The following ULK4 variants were observed in gnomAD, a reference collection of about 807,000 sequenced individuals.
ULK4 encodes unc-51 like kinase 4.
A neutral mutation model predicts 160.6 loss-of-function variants in ULK4; 133 were observed. That is an observed-to-expected ratio of 0.83 (90% CI 0.72 to 0.96). ULK4 has a LOEUF of 0.96. Ranked by LOEUF, ULK4 falls within the 40% of genes least tolerant of loss-of-function variation. The pLI is 0.00. For missense variants in ULK4, 1,580 were observed against 1,499.5 expected, an observed-to-expected ratio of 1.05 and a Z score of -0.89; for synonymous variants, 534 against 539.8, an observed-to-expected ratio of 0.99 and a Z score of 0.15.
chr3:41,573,303 A>C (rs2088067733), intron 31 of ULK4, among the ~76,000 whole-genome samples: 1 of 151,782 alleles, frequency 6.6e-6, no homozygotes, highest in Admixed American at 6.6e-5. Flanking sequence ...ACAGCTTTGA[A>C]ATACCAAGGG....
intron 31 of ULK4, among the ~76,000 whole-genome samples, chr3:41,596,969 G>C (rs1289828684): frequency 6.6e-6 from 1 of 152,132 alleles, no homozygotes; most frequent in East Asian, 1.9e-4. Context: ...TAGCATCCCT[G>C]ACTTCTACGC....
intron 30 of ULK4, among the ~76,000 whole-genome samples, chr3:41,640,628 A>T (rs1182727164): frequency 2.6e-5 from 4 of 152,174 alleles, no homozygotes; most frequent in African/African-American, 9.7e-5. Context: ...TTGTCTCAAA[A>T]TGCTTAAGTC....
At chr3:41,928,362 G>T (rs910653418) in intron 5 of ULK4, among the ~76,000 whole-genome samples, 40 of 152,172 alleles carry the variant, frequency 2.6e-4, no homozygotes, top group Middle Eastern at 3.4e-3. Flanking sequence ...TGTGTAGAGG[G>T]AAATTTACAG....
chr3:41,803,207 G>C (rs1303490373), intron 19 of ULK4, among the ~76,000 whole-genome samples: 1 of 151,280 alleles, frequency 6.6e-6, no homozygotes, highest in Non-Finnish European at 1.5e-5. Flanking sequence ...AGTCCATAAA[G>C]GTGATATAAA....
At chr3:41,426,806 A>G (rs2082786136) in intron 34 of ULK4, among the ~76,000 whole-genome samples, 1 of 152,164 alleles carries the variant, frequency 6.6e-6, no homozygotes, top group African/African-American at 2.4e-5. Flanking sequence ...TGCCCACGTC[A>G]AAAAACTAGA....
chr3:41,370,154 A>C (rs1198307316), intron 35 of ULK4, among the ~76,000 whole-genome samples: 3 of 152,170 alleles, frequency 2.0e-5, no homozygotes, highest in East Asian at 3.9e-4. Context: ...ATCCATGTAG[A>C]GTTTATAAAC....
At chr3:41,560,442 A>AT (rs747159656) in intron 32 of ULK4, among the ~76,000 whole-genome samples, 11 of 152,306 alleles carry the variant, frequency 7.2e-5, no homozygotes, top group Non-Finnish European at 1.6e-4. Context: ...GAATCTATAA[A>AT]TTACCTTGGG....
At chr3:41,876,216 T>C (rs1274919221) in intron 17 of ULK4, among the ~76,000 whole-genome samples, 3 of 152,198 alleles carry the variant, frequency 2.0e-5, no homozygotes, top group Non-Finnish European at 2.9e-5. Context: ...CAGTGAATTA[T>C]AGAGAGCACC....
chr3:41,545,931 CTT>C (rs2086844916), intron 32 of ULK4, among the ~76,000 whole-genome samples: 1 of 152,052 alleles, frequency 6.6e-6, no homozygotes. Flanking sequence ...CAGTTTAAGA[CTT>C]TTATATGGTT....
At chr3:41,748,517 T>C (rs2038499786) in intron 22 of ULK4, among the ~76,000 whole-genome samples, 1 of 152,164 alleles carries the variant, frequency 6.6e-6, no homozygotes, top group African/African-American at 2.4e-5. Context: ...ACAAACTTGA[T>C]ACACAGATTG....
At chr3:41,618,660 C>G (rs2033096287) in intron 30 of ULK4, among the ~76,000 whole-genome samples, 1 of 152,162 alleles carries the variant, frequency 6.6e-6, no homozygotes. Flanking sequence ...GTACCATCCA[C>G]TGCAAAAACA....
chr3:41,714,419 T>C (rs1418481100), intron 25 of ULK4, among the ~76,000 whole-genome samples: 4 of 152,166 alleles, frequency 2.6e-5, no homozygotes, highest in African/African-American at 4.8e-5. Context: ...CTGACCTCAT[T>C]TTAACTAGTT....
chr3:41,275,463 A>G (rs1357593823), intron 35 of ULK4, among the ~76,000 whole-genome samples: 2 of 152,252 alleles, frequency 1.3e-5, no homozygotes, highest in African/African-American at 4.8e-5. Context: ...CAAAAGATCC[A>G]ACTTAAAAAG....
At chr3:41,666,285 A>G (rs1319147649) in intron 29 of ULK4, among the ~76,000 whole-genome samples, 1 of 152,154 alleles carries the variant, frequency 6.6e-6, no homozygotes, top group Admixed American at 6.5e-5. Context: ...TTACTACCAT[A>G]AATTATCAGG....
intron 35 of ULK4, among the ~76,000 whole-genome samples, chr3:41,395,720 T>C (rs973179234): frequency 2.6e-5 from 4 of 152,162 alleles, no homozygotes; most frequent in South Asian, 4.1e-4. Context: ...TGCACAACAA[T>C]GTGAATATGC....
At chr3:41,953,304 A>ATATATTTTTT (rs1181182812) in intron 2 of ULK4, among the ~76,000 whole-genome samples, 3 of 124,816 alleles carry the variant, frequency 2.4e-5, no homozygotes, top group African/African-American at 9.4e-5. Flanking sequence ...ATATATATAT[A>ATATATTTTTT]TTTTTTTTTT....
intron 32 of ULK4, among the ~76,000 whole-genome samples, chr3:41,478,522 A>T (rs2084212479): frequency 6.6e-6 from 1 of 152,184 alleles, no homozygotes; most frequent in African/African-American, 2.4e-5. Flanking sequence ...CAAGCATATA[A>T]TTTATTCTGG....
At chr3:41,875,012 A>G (rs1433971361) in intron 17 of ULK4, among the ~76,000 whole-genome samples, 1 of 152,122 alleles carries the variant, frequency 6.6e-6, no homozygotes, top group African/African-American at 2.4e-5. Flanking sequence ...CATCTCTACT[A>G]AAAGTAAAAA....
intron 35 of ULK4, among the ~76,000 whole-genome samples, chr3:41,279,254 G>GAAAAAAAAAAAAAAAAAAAAAAAAAAAA (rs2079295716): frequency 1.8e-5 from 1 of 54,186 alleles, no homozygotes; most frequent in African/African-American, 1.2e-4. Context: ...GAAAAAAAGA[G>GAAAAAAAAAAAAAAAAAAAAAAAAAAAA]TAAAAAAAAA....
Sources: allele counts gnomAD v4.1 joint callset (sites outside exome capture counted in the v4.1 genomes callset), GRCh38; gene constraint gnomAD v4.1.1; transcripts MANE v1.5; gene names NCBI Gene and HGNC (gene_info 2026-07-23, HGNC 2026-07-21).